The following ADAMTS13 variants were observed in gnomAD, a reference collection of about 807,000 sequenced individuals.
ADAMTS13 encodes A disintegrin and metalloproteinase with thrombospondin motifs 13.
Under a neutral mutation model 155.1 loss-of-function variants are expected in ADAMTS13, and 110 were observed. That is an observed-to-expected ratio of 0.71 (90% CI 0.61 to 0.83). The LOEUF (loss-of-function observed/expected upper bound fraction) is 0.83, where lower values mean the gene tolerates loss of function less well. Among genes scored for constraint, ADAMTS13 ranks in the 40% least tolerant of loss-of-function variants. ADAMTS13 has a pLI of 0.00. For synonymous variants in ADAMTS13, 758 were observed against 756.4 expected, an observed-to-expected ratio of 1.00 and a Z score of -0.03; for missense variants, 1,707 against 1,891.7, an observed-to-expected ratio of 0.90 and a Z score of 1.81.
In ADAMTS13 at chr9:133,424,897, C is replaced by G. The variant is rs1840178651; in HGVS notation, c.330+419C>G. ...CGAGGACAGGTCACCCGTCTGAAGT[C>G]TAAACAGAGACTGCTGGCAAAGGAG... is the stretch of plus-strand genomic sequence containing the variant. On this transcript the variant is annotated intron_variant, in intron 3 of 28. Coordinates refer to ENST00000355699, the MANE Select transcript of ADAMTS13 (RefSeq NM_139027.6). This position sits in a 1 kb window ranked among gnomAD's most constrained non-coding sequence, Gnocchi z 4.3. Among the ~76,000 whole-genome samples the G allele has an allele frequency of 6.6e-6, 1 of 152,226 alleles. No homozygotes were observed. Among genetic ancestry groups the G allele is most frequent in the Non-Finnish European group, 1.5e-5 (1 of 68,042 alleles).
rs1554786828 is a variant in ADAMTS13, at chr9:133,430,116, G to A, written c.987+15G>A. On this transcript the variant is annotated intron_variant, in intron 8 of 28. Coordinates refer to ENST00000355699, the MANE Select transcript of ADAMTS13 (RefSeq NM_139027.6). ...GGGAGCACCTGGTGAGTCTGCCGGCGGTGGCCTGGGATTGGCTGTGAGGTC... is the reference window on the plus strand; with the variant it reads ...GGGAGCACCTGGTGAGTCTGCCGGCAGTGGCCTGGGATTGGCTGTGAGGTC... The A allele has an allele frequency of 3.2e-6, 5 of 1,567,960 alleles. No homozygotes were observed. The highest frequency in any genetic ancestry group is 1.3e-5 in the African/African-American group (1 of 74,470).
chr9:133,453,227 G>A (rs1216091945), intron 23 of ADAMTS13, among the ~76,000 whole-genome samples: 4 of 152,204 alleles, frequency 2.6e-5, no homozygotes, highest in African/African-American at 4.8e-5. Context: ...ACGAGGTCAG[G>A]AGATCGAGAC....
chr9:133,449,896 A>G lies in ADAMTS13; in HGVS notation c.2975A>G (p.Asp992Gly), dbSNP rs1295441689. ...GACGATGGTGAGGAGATCCTGTTGG[A>G]CACCCAGTGCCAGGGGCTGCCTCGC... ...GEDDGEEILL[D>G]TQCQGLPRPE... Residue 992 changes from aspartate (D) to glycine (G), a missense_variant, in exon 23 of 29, where the codon GAC (aspartate) becomes GGC (glycine). Transcript: ENST00000355699. 8 of 1,613,620 alleles carry G rather than the reference A, an allele frequency of 5.0e-6. No individual in the cohort carries two copies. The highest frequency in any genetic ancestry group is 5.9e-6 in the Non-Finnish European group (7 of 1,179,980).
chr9:133,421,102 C>T (rs587660004), upstream of ADAMTS13, among the ~76,000 whole-genome samples: 1 of 152,292 alleles, frequency 6.6e-6, no homozygotes, highest in Admixed American at 6.5e-5. Flanking sequence ...CCCACCTCTA[C>T]TAAAAATACA....
chr9:133,417,163 C>T (rs1046594065), upstream of ADAMTS13, among the ~76,000 whole-genome samples: 1 of 152,214 alleles, frequency 6.6e-6, no homozygotes, highest in African/African-American at 2.4e-5. Context: ...CGGCGCGCGC[C>T]ATCACGCCCG....
chr9:133,436,715 C>G (rs1841251364), intron 11 of ADAMTS13, 114 bp from the exon 12 acceptor site: 2 of 1,116,764 alleles, frequency 1.8e-6, no homozygotes, highest in Non-Finnish European at 2.6e-6. Flanking sequence ...CGGCCTGGAG[C>G]TGAGGCCACA....
At position 133,447,854 on chromosome 9, in the gene ADAMTS13, A is replaced by G. The variant is rs587730979; in HGVS notation, c.2732-745A>G. ...GGTGATCCACCCGCCTTGGCCTCCC[A>G]AAGTGCTGGGATTACAGGCATGAGC... On this transcript the variant is annotated intron_variant, in intron 21 of 28. Transcript: ENST00000355699. 1.4e-4 allele frequency among the ~76,000 whole-genome samples: 22 copies of G among 152,270 alleles called. No individual in the cohort carries two copies. The East Asian group carries it at 4.2e-3, about 29-fold the overall frequency.
Position 133,425,842 on chromosome 9 carries a change from G to A in ADAMTS13, c.415-96G>A. On this transcript the variant is annotated intron_variant, in intron 4 of 28. Coordinates refer to ENST00000355699, the MANE Select transcript of ADAMTS13 (RefSeq NM_139027.6). The surrounding 1 kb of genome is among the most constrained non-coding windows in gnomAD (Gnocchi z 4.6). ...CATCCCTAACACGGGCTAGTCATAG[G>A]GTTGTTAGGAGGACTAACTGGGAAA... The A allele has an allele frequency of 1.3e-6, 2 of 1,568,730 alleles. No homozygotes were observed. The highest frequency in any genetic ancestry group is 2.7e-5 in the African/African-American group (2 of 74,236).
rs1842027593 is a variant in ADAMTS13 at position 133,445,829 on chromosome 9, C to G, written c.2731+10C>G. 1.3e-6 allele frequency: 2 copies of G among 1,568,756 alleles called. No homozygotes were observed. Among genetic ancestry groups the G allele is most frequent in the Non-Finnish European group, 1.7e-6 (2 of 1,150,984 alleles). ...GTCTCCTGCGGGCGAGGTGAGGGCC[C>G]CCGGGATGCTCCTGGGGACCAGCAC... On this transcript the variant is annotated intron_variant, in intron 21 of 28. Transcript: ENST00000355699. This position sits in a 1 kb window ranked among gnomAD's most constrained non-coding sequence, Gnocchi z 5.0.
intron 28 of ADAMTS13, 67 bp from the exon 29 acceptor site, chr9:133,458,907 C>G (rs913273243): frequency 2.0e-5 from 28 of 1,425,672 alleles, no homozygotes; most frequent in Non-Finnish European, 2.3e-5. Context: ...CCCTTGCACA[C>G]GAAGGCTTCC....
chr9:133,425,415 T>C lies in ADAMTS13; in HGVS notation c.331-114T>C, dbSNP rs587620599. On this transcript the variant is annotated intron_variant, in intron 3 of 28. Transcript: ENST00000355699. The surrounding 1 kb of genome is among the most constrained non-coding windows in gnomAD (Gnocchi z 4.6). ...CGCCCCGCCCGGTTCCCACACATGCTGGTGGAGTAGCCTCTCCAGCTCTTC... is the reference window on the plus strand; with the variant it reads ...CGCCCCGCCCGGTTCCCACACATGCCGGTGGAGTAGCCTCTCCAGCTCTTC... 1,962 of 843,932 alleles carry C rather than the reference T, an allele frequency of 2.3e-3. 2 individuals are homozygous for C. The highest frequency in any genetic ancestry group is 3.0e-3 in the Non-Finnish European group (1,603 of 527,598). 52.3% of individuals were successfully genotyped at this position (843,932 alleles called of 1,614,324 possible).
In ADAMTS13 at chr9:133,414,499, C is replaced by T. The variant is rs192239098; in HGVS notation, n.142C>T. On this transcript the variant is annotated non_coding_transcript_exon_variant, in exon 1 of 18. Transcript: ENST00000485925. ...AAGAAGCAGGCCCTGCCTTATCATGCGCACACTCTAGGGGAAAACAAGTAA... is the reference window on the plus strand; with the variant it reads ...AAGAAGCAGGCCCTGCCTTATCATGTGCACACTCTAGGGGAAAACAAGTAA... 94 of 736,260 alleles carry T rather than the reference C, an allele frequency of 1.3e-4. 1 individual carries two copies. The highest frequency in any genetic ancestry group is 6.9e-4 in the African/African-American group (40 of 58,046). The allele number at this position is 736,260 out of a possible 1,614,324, so 45.6% of individuals were successfully genotyped here. A position where few individuals can be genotyped will look rare whatever the true frequency, so the allele number is the denominator to read the frequency against.
chr9:133,432,382 A>G (rs1337881308), intron 8 of ADAMTS13, among the ~76,000 whole-genome samples: 2 of 152,254 alleles, frequency 1.3e-5, no homozygotes, highest in Non-Finnish European at 2.9e-5. Flanking sequence ...ATGGGCCCCC[A>G]AAAGTGTGAC....
At chr9:133,431,844 T>C (rs184230164) in intron 8 of ADAMTS13, among the ~76,000 whole-genome samples, 78 of 152,028 alleles carry the variant, frequency 5.1e-4, no homozygotes, top group Middle Eastern at 6.8e-3. Flanking sequence ...TTAGTAGAGA[T>C]GGGGTTTCAC....
chr9:133,449,051 T>C (rs1049933677), intron 22 of ADAMTS13, among the ~76,000 whole-genome samples: 2 of 152,324 alleles, frequency 1.3e-5, no homozygotes, highest in African/African-American at 4.8e-5. Flanking sequence ...TCCTCACCAG[T>C]GGGAGCAGGT....
chr9:133,417,948 C>A (rs915378771), upstream of ADAMTS13: 5 of 1,089,786 alleles, frequency 4.6e-6, no homozygotes, highest in African/African-American at 7.9e-5. Flanking sequence ...GGCCGAAACA[C>A]ACCCACCGCA....
chr9:133,448,540 G>A (rs587766574), intron 21 of ADAMTS13, 59 bp from the exon 22 acceptor site: 1 of 1,601,090 alleles, frequency 6.2e-7, no homozygotes, highest in African/African-American at 1.3e-5. Context: ...GTGAGCCTGG[G>A]CTGCAGTCCT....
chr9:133,435,373 A>G (rs1291244035), intron 11 of ADAMTS13, among the ~76,000 whole-genome samples: 1 of 151,274 alleles, frequency 6.6e-6, no homozygotes, highest in Non-Finnish European at 1.5e-5. Flanking sequence ...TTTTTAGTAG[A>G]GATGGAGTTT....
At chr9:133,457,766 G>T in intron 27 of ADAMTS13, 144 bp from the exon 28 acceptor site, 1 of 1,015,630 alleles carries the variant, frequency 9.8e-7, no homozygotes, top group Admixed American at 1.8e-5. Context: ...AGTGGTAGAG[G>T]TGGGGTTCAG....
Sources: gnomAD v4.1 joint callset for allele counts (sites outside exome capture counted in the v4.1 genomes callset) on GRCh38, gnomAD v4.1.1 for gene constraint, Gnocchi (gnomAD v3.1) non-coding constraint, MANE v1.5 for transcripts, NCBI Gene and HGNC (gene_info 2026-07-23, HGNC 2026-07-21) for gene names.